Variants in SHANK2 observed in about 807,000 individuals in gnomAD.
The protein encoded by SHANK2 is SH3 and multiple ankyrin repeat domains protein 2.
In SHANK2, 43 loss-of-function variants were observed where a neutral mutation model predicts 133.7. The observed-to-expected ratio is 0.32, with a 90% CI of 0.25 to 0.41. The LOEUF (loss-of-function observed/expected upper bound fraction) is 0.41. Among genes scored for constraint, SHANK2 ranks in the 10% least tolerant of loss-of-function variants. SHANK2 has a pLI of 1.00. For synonymous variants in SHANK2, 1,017 were observed against 952.8 expected (o/e 1.07, Z -1.24); for missense variants, 1,994 against 2,235.8 (o/e 0.89, Z 2.18).
chr11:70,941,109 G>A (rs1051345464), intron 10 of SHANK2, among the ~76,000 whole-genome samples: 1 of 152,142 alleles, frequency 6.6e-6, no homozygotes, highest in African/African-American at 2.4e-5. Flanking sequence ...TAAGCTTGTC[G>A]GTAAAATTGG....
At chr11:70,883,819 A>T (rs1222307971) in intron 11 of SHANK2, among the ~76,000 whole-genome samples, 1 of 152,208 alleles carries the variant, frequency 6.6e-6, no homozygotes, top group Non-Finnish European at 1.5e-5. Flanking sequence ...AGGCCCAGGC[A>T]AGGGGAGAAG....
At chr11:70,898,443 G>A (rs1445323894) in intron 10 of SHANK2, among the ~76,000 whole-genome samples, 1 of 152,030 alleles carries the variant, frequency 6.6e-6, no homozygotes, top group Non-Finnish European at 1.5e-5. Flanking sequence ...AGAGTTTTGA[G>A]GTGCATGCTA....
At chr11:70,489,760 T>C (rs1300494286) in intron 23 of SHANK2, 4 of 298,834 alleles carry the variant, frequency 1.3e-5, no homozygotes, top group African/African-American at 4.3e-5. Context: ...ACAGGGTCAA[T>C]AGGAATAATT....
In SHANK2 at chr11:70,697,775, C is replaced by T. The variant is rs541526923; in HGVS notation, c.1853+913G>A. The stretch of plus-strand genomic sequence containing the variant: ...GGGGAAGAACCCAGCGTAGGGCTTC[C>T]GGACCCTCCCACCTCTGCAGGAGAT... On this transcript the variant is annotated intron_variant, in intron 15 of 25. Coordinates refer to ENST00000601538, the MANE Select transcript of SHANK2 (RefSeq NM_012309.5). Among the ~76,000 whole-genome samples the T allele has an allele frequency of 6.6e-5, 10 of 152,296 alleles. No homozygotes were observed. In the South Asian group the frequency reaches 1.0e-3, roughly 16 times the overall value.
chr11:70,593,668 G>A (rs1367714690), intron 17 of SHANK2, among the ~76,000 whole-genome samples: 1 of 152,226 alleles, frequency 6.6e-6, no homozygotes, highest in Non-Finnish European at 1.5e-5. Context: ...GTGAGCTAAA[G>A]GGCATTCAGT....
At chr11:70,846,316 T>C (rs1948996622) in intron 11 of SHANK2, among the ~76,000 whole-genome samples, 1 of 152,160 alleles carries the variant, frequency 6.6e-6, no homozygotes, top group African/African-American at 2.4e-5. Context: ...CAGGCTGATA[T>C]GCAGTGGTGC....
rs56404132 is a variant in SHANK2 at position 70,822,644 on chromosome 11, C to G, written c.1175-1962G>C. Among the ~76,000 whole-genome samples the G allele has an allele frequency of 3.4e-3, 236 of 68,710 alleles. 3 individuals carry two copies. The highest frequency in any genetic ancestry group is 0.013 in the African/African-American group (201 of 15,802). The allele number at this position is 68,710 out of a possible 152,430, so 45.1% of individuals were successfully genotyped here. ...GGGGACAGAGGTGGCACTGGCAGAG[C>G]TCATGGGGGACAGAGGTGGCGTTGG... On this transcript the variant is annotated intron_variant, in intron 11 of 25. Coordinates refer to ENST00000601538, the MANE Select transcript of SHANK2 (RefSeq NM_012309.5).
intron 2 of SHANK2, among the ~76,000 whole-genome samples, chr11:71,214,055 C>A (rs138327557): frequency 6.6e-6 from 1 of 152,164 alleles, no homozygotes; most frequent in Non-Finnish European, 1.5e-5. Flanking sequence ...CCCTACAGCC[C>A]CAGGCCTGCT....
Position 70,487,506 on chromosome 11 carries a change from G to A in SHANK2, c.2787C>T (p.Ala929=), listed in dbSNP as rs150975381. ...TIKPAFNQNS[A]AKVSPATRSD... is the part of the protein sequence containing the mutation. ...ACCTGGTGGCGGGGGACACCTTGGCGGCAGAATTCTGATTGAACGCAGGCT... is the reference window on the plus strand; with the variant it reads ...ACCTGGTGGCGGGGGACACCTTGGCAGCAGAATTCTGATTGAACGCAGGCT... The change falls in exon 25 of 26, where the codon GCC becomes GCT. Residue 929 remains alanine, a synonymous_variant. Coordinates refer to ENST00000601538, the MANE Select transcript of SHANK2 (RefSeq NM_012309.5). This position sits in a 1 kb window ranked among gnomAD's most constrained non-coding sequence, Gnocchi z 5.8. The A allele has an allele frequency of 1.4e-5, 22 of 1,613,834 alleles. 1 individual carries two copies. The highest frequency in any genetic ancestry group is 1.2e-4 in the South Asian group (11 of 91,058).
intron 14 of SHANK2, among the ~76,000 whole-genome samples, chr11:70,744,081 G>T (rs1478643065): frequency 6.6e-6 from 1 of 152,222 alleles, no homozygotes; most frequent in Non-Finnish European, 1.5e-5. Flanking sequence ...GCCACCCTGA[G>T]CTGCCACCAA....
chr11:71,066,101 T>A (rs1951055592), intron 9 of SHANK2, among the ~76,000 whole-genome samples: 2 of 22,574 alleles, frequency 8.9e-5, no homozygotes, highest in Admixed American at 5.4e-4. Flanking sequence ...GGGGGGGGTG[T>A]GTGCAGAACT....
chr11:71,135,920 G>A (rs1555104691), intron 3 of SHANK2, among the ~76,000 whole-genome samples: 2 of 152,102 alleles, frequency 1.3e-5, no homozygotes, highest in African/African-American at 4.8e-5. Context: ...GAAGATGACA[G>A]GAAAGGTGGG....
intron 2 of SHANK2, among the ~76,000 whole-genome samples, chr11:71,212,127 G>T (rs1954295024): frequency 1.3e-5 from 2 of 152,324 alleles, no homozygotes; most frequent in South Asian, 4.1e-4. Flanking sequence ...TTAGACAAAA[G>T]AATTCTGTTA....
chr11:70,619,181 C>T (rs559635993), intron 17 of SHANK2, among the ~76,000 whole-genome samples: 15 of 152,288 alleles, frequency 9.8e-5, no homozygotes, highest in Non-Finnish European at 1.9e-4. Context: ...TCTTATTGCT[C>T]GCTGTAATTA....
At chr11:70,746,355 G>C (rs567240518) in intron 14 of SHANK2, among the ~76,000 whole-genome samples, 59 of 144,404 alleles carry the variant, frequency 4.1e-4, no homozygotes, top group Middle Eastern at 9.2e-3. Context: ...ACACTCTCCC[G>C]CCTCTCCAGG....
chr11:71,154,607 G>A (rs1424437740), intron 2 of SHANK2, among the ~76,000 whole-genome samples: 1 of 152,228 alleles, frequency 6.6e-6, no homozygotes, highest in East Asian at 1.9e-4. Context: ...TTCTGCAAAA[G>A]CAGACCTTCT....
intron 9 of SHANK2, among the ~76,000 whole-genome samples, chr11:71,072,244 A>C (rs1951152494): frequency 7.9e-6 from 1 of 127,138 alleles, no homozygotes; most frequent in South Asian, 2.7e-4. Context: ...CGCCCCCACC[A>C]CTTAACCCCC....
chr11:71,144,581 C>T (rs539256312), intron 3 of SHANK2, among the ~76,000 whole-genome samples: 9 of 152,036 alleles, frequency 5.9e-5, no homozygotes, highest in Non-Finnish European at 1.3e-4. Flanking sequence ...GTGTTAAGTG[C>T]CTGACATTTG....
In SHANK2 at chr11:70,486,968, C is replaced by A; in HGVS notation, c.3325G>T (p.Asp1109Tyr). Residue 1109 changes from aspartate to tyrosine, a missense_variant, in exon 25 of 26, where the codon GAT becomes TAT. Transcript: ENST00000601538. This position sits in a 1 kb window ranked among gnomAD's most constrained non-coding sequence, Gnocchi z 8.0. ...SPAFLSTDLG[D>Y]EDVGLGPPAP... is the part of the protein sequence containing the mutation. ...GGTGGCCCCAGGCCCACATCCTCAT[C>A]CCCCAGGTCTGTGGAGAGGAAGGCC... The A allele has an allele frequency of 6.2e-7, 1 of 1,612,174 alleles. No homozygotes were observed. The highest frequency in any genetic ancestry group is 8.5e-7 in the Non-Finnish European group (1 of 1,179,766).
Sources: gnomAD v4.1 joint callset for allele counts (sites outside exome capture counted in the v4.1 genomes callset) on GRCh38, gnomAD v4.1.1 for gene constraint, Gnocchi (gnomAD v3.1) non-coding constraint, MANE v1.5 for transcripts, NCBI Gene and HGNC (gene_info 2026-07-23, HGNC 2026-07-21) for gene names.